Variants in EYS observed in about 807,000 individuals in gnomAD.
EYS encodes the protein protein eyes shut homolog.
EYS carries 250 observed loss-of-function variants against 282.1 expected under a neutral mutation model. That is an observed-to-expected ratio of 0.89 (90% confidence interval 0.80 to 0.98). The LOEUF (loss-of-function observed/expected upper bound fraction) is 0.98, where lower values mean the gene tolerates loss of function less well. EYS is among the 50% of genes least tolerant of loss of function. EYS has a pLI of 0.00. For missense variants in EYS, 4,016 were observed against 3,709.0 expected (o/e 1.08, Z -2.15); for synonymous variants, 1,355 against 1,282.9 (o/e 1.06, Z -1.20).
intron 2 of EYS, among the ~76,000 whole-genome samples, chr6:65,547,052 C>T: frequency 6.6e-6 from 1 of 151,792 alleles, no homozygotes; most frequent in Non-Finnish European, 1.5e-5. Flanking sequence ...TCGAGAATGC[C>T]ACTACGAAAA....
intron 19 of EYS, among the ~76,000 whole-genome samples, chr6:64,838,617 T>TACACACAC (rs56901295): frequency 0.35 from 52,223 of 149,474 alleles, 10,022 homozygotes; most frequent in Admixed American, 0.44. Flanking sequence ...TCTGTTTCTC[T>TACACACAC]ACACACACAC....
In EYS at chr6:65,386,400, T is replaced by G. The variant is rs180878803; in HGVS notation, c.1185-1900A>C. Among the ~76,000 whole-genome samples the G allele has an allele frequency of 8.4e-4, 105 of 124,930 alleles. No homozygotes were observed. In the East Asian group the frequency reaches 0.022, roughly 27 times the overall value. The allele number at this position is 124,930 out of a possible 152,430, so 82.0% of individuals were successfully genotyped here. A position where few individuals can be genotyped will look rare whatever the true frequency, so the allele number is the denominator to read the frequency against. ...GAAACATGCGCTTGTATCCCTGAAC[T>G]TTAAAGTTTTTTTTTTCAAAAAGGG... is the stretch of plus-strand genomic sequence containing the variant. On this transcript the variant is annotated intron_variant, in intron 7 of 42. Coordinates refer to ENST00000503581, the MANE Select transcript of EYS (RefSeq NM_001142800.2).
intron 2 of EYS, among the ~76,000 whole-genome samples, chr6:65,623,372 T>C (rs1042586419): frequency 6.6e-6 from 1 of 152,190 alleles, no homozygotes; most frequent in African/African-American, 2.4e-5. Flanking sequence ...TTATATAAAA[T>C]GAATGTTTAT....
intron 33 of EYS, among the ~76,000 whole-genome samples, chr6:64,030,563 G>T (rs1769773014): frequency 6.6e-6 from 1 of 151,712 alleles, no homozygotes; most frequent in African/African-American, 2.4e-5. Context: ...GTCGGGGATA[G>T]TACGAGATGC....
intron 5 of EYS, among the ~76,000 whole-genome samples, chr6:65,426,436 T>G (rs1767665911): frequency 6.6e-6 from 1 of 152,114 alleles, no homozygotes; most frequent in African/African-American, 2.4e-5. Flanking sequence ...TTATTATCTT[T>G]AATGTCTAAA....
intron 4 of EYS, 65 bp from the exon 5 acceptor site, chr6:65,490,772 C>T: frequency 1.2e-6 from 1 of 845,460 alleles, no homozygotes; most frequent in Non-Finnish European, 2.0e-6. Context: ...AGTTTTCCCT[C>T]AATTCTTTAA....
intron 2 of EYS, among the ~76,000 whole-genome samples, chr6:65,531,887 C>A (rs766336056): frequency 6.6e-6 from 1 of 152,118 alleles, no homozygotes; most frequent in Non-Finnish European, 1.5e-5. Context: ...TTTAAAACAT[C>A]TTTCATTAAC....
At chr6:65,635,915 G>C (rs751185399) in intron 2 of EYS, among the ~76,000 whole-genome samples, 23 of 152,014 alleles carry the variant, frequency 1.5e-4, no homozygotes, top group Non-Finnish European at 2.9e-4. Flanking sequence ...CCCATTACCT[G>C]GCCACCCCAT....
At chr6:65,073,066 A>G (rs566883265) in intron 12 of EYS, among the ~76,000 whole-genome samples, 1 of 151,738 alleles carries the variant, frequency 6.6e-6, no homozygotes, top group East Asian at 1.9e-4. Context: ...TTCAAACTAC[A>G]TGGAAAGATT....
intron 15 of EYS, among the ~76,000 whole-genome samples, chr6:64,936,776 T>C (rs1003191685): frequency 6.6e-6 from 1 of 150,904 alleles, no homozygotes; most frequent in African/African-American, 2.4e-5. Flanking sequence ...GAAGATTCAA[T>C]AAAATCTCTA....
chr6:65,607,036 ATAAC>A lies in EYS; in HGVS notation c.-333+32738_-333+32741del, dbSNP rs577843165. On this transcript the variant is annotated intron_variant, in intron 2 of 42. Transcript: ENST00000503581. The stretch of plus-strand genomic sequence containing the variant: ...TTGGATATTTATTTATGAAAACTGA[ATAAC>A]TAATAAAAATGATCTCAGCAAATAT... Among the ~76,000 whole-genome samples the A allele has an allele frequency of 2.9e-4, 44 of 152,014 alleles. 1 individual carries two copies. Among genetic ancestry groups the A allele is most frequent in the African/African-American group, 9.1e-4 (38 of 41,554 alleles).
intron 13 of EYS, among the ~76,000 whole-genome samples, chr6:65,031,390 A>C (rs1561930866): frequency 1.3e-5 from 2 of 152,008 alleles, no homozygotes; most frequent in Non-Finnish European, 2.9e-5. Context: ...CCTAGCACAC[A>C]TGTACAGAAC....
intron 2 of EYS, among the ~76,000 whole-genome samples, chr6:65,509,185 C>T (rs773142140): frequency 1.3e-5 from 2 of 152,180 alleles, no homozygotes; most frequent in Non-Finnish European, 2.9e-5. Context: ...AGAAAGGAAG[C>T]AGAGCCTCTG....
intron 26 of EYS, among the ~76,000 whole-genome samples, chr6:64,563,425 T>C (rs1317370765): frequency 6.6e-6 from 1 of 152,120 alleles, no homozygotes; most frequent in Non-Finnish European, 1.5e-5. Context: ...AATTAAGCTG[T>C]ATAGAGAAAT....
intron 5 of EYS, among the ~76,000 whole-genome samples, chr6:65,481,571 C>T (rs111544184): frequency 0.082 from 12,464 of 152,062 alleles, 1,477 homozygotes; most frequent in African/African-American, 0.26. Flanking sequence ...TGTTTTGAGA[C>T]GGAGTCTCGC....
At chr6:64,791,597 A>G (rs993694306) in intron 22 of EYS, among the ~76,000 whole-genome samples, 1 of 151,936 alleles carries the variant, frequency 6.6e-6, no homozygotes, top group African/African-American at 2.4e-5. Flanking sequence ...ACTTAGAAAA[A>G]GGCAGCATAC....
chr6:65,380,681 G>A (rs1765576129), intron 8 of EYS, among the ~76,000 whole-genome samples: 1 of 152,064 alleles, frequency 6.6e-6, no homozygotes, highest in Admixed American at 6.6e-5. Flanking sequence ...AGAGTGAACA[G>A]GCAACCTACA....
chr6:64,307,070 C>T lies in EYS; in HGVS notation c.6091G>A (p.Val2031Ile). 6.9e-7 allele frequency: 1 copy of T among 1,439,536 alleles called. No homozygotes were observed. The highest frequency in any genetic ancestry group is 9.5e-7 in the Non-Finnish European group (1 of 1,053,006). 89.2% of individuals were successfully genotyped at this position (1,439,536 alleles called of 1,614,324 possible). Residue 2031 changes from valine to isoleucine, a missense_variant, in exon 30 of 43, where the codon GTC becomes ATC. Transcript: ENST00000503581. ...LHGKIQMPVP[V>I]KNFTGCIEVI... ...TCTATGCAGCCAGTAAAATTCTTGA[C>T]TGGTACAGGCATCTGAGAGAGAGAG...
At chr6:64,725,511 G>A (rs760197371) in intron 22 of EYS, among the ~76,000 whole-genome samples, 1 of 151,986 alleles carries the variant, frequency 6.6e-6, no homozygotes, top group Non-Finnish European at 1.5e-5. Context: ...AGAAATGAAG[G>A]ACTGCTAAAA....
Sources: allele counts gnomAD v4.1 joint callset (sites outside exome capture counted in the v4.1 genomes callset), GRCh38; gene constraint gnomAD v4.1.1; transcripts MANE v1.5; gene names NCBI Gene and HGNC (gene_info 2026-07-23, HGNC 2026-07-21).